DST: variants seen among roughly 807,000 people sequenced by gnomAD.
DST encodes bullous pemphigoid antigen.
In DST, 253 loss-of-function variants were observed where a neutral mutation model predicts 875.2. The observed-to-expected ratio is 0.29, with a 90% CI of 0.26 to 0.32. The LOEUF (loss-of-function observed/expected upper bound fraction) is 0.32, where lower values mean the gene tolerates loss of function less well. DST is among the 10% of genes least tolerant of loss of function. The pLI is 1.00. For synonymous variants in DST, 3,124 were observed against 3,197.1 expected (o/e 0.98, Z 0.77); for missense variants, 8,287 against 9,111.6 (o/e 0.91, Z 3.68).
intron 44 of DST, 119 bp from the exon 45 acceptor site, chr6:56,600,340 C>T (rs984643351): frequency 2.1e-6 from 2 of 930,560 alleles, no homozygotes; most frequent in African/African-American, 1.6e-5. Context: ...TATAAGTATG[C>T]TGTAAACATG....
At chr6:56,843,440 G>C (rs1240168635) in intron 4 of DST, 26 of 1,033,316 alleles carry the variant, frequency 2.5e-5, no homozygotes, top group Non-Finnish European at 3.0e-5. Context: ...GCCCAGGGGC[G>C]GCGACGAGCA....
Position 56,953,772 on chromosome 6 carries a change from CTAAA to C in DST, c.216+9_216+12del. On this transcript the variant is annotated intron_variant, in intron 2 of 103. Coordinates refer to ENST00000680361, the MANE Select transcript of DST (RefSeq NM_001374736.1). ...CTTCTTCTGACCTTGAGCGTGCGCG[CTAAA>C]TAAATTACCTCAGAACGAAAGTGGT... 1 of 1,313,490 alleles carries C rather than the reference CTAAA, an allele frequency of 7.6e-7. No homozygotes were observed. Among genetic ancestry groups the C allele is most frequent in the South Asian group, 1.2e-5 (1 of 81,356 alleles). The allele number at this position is 1,313,490 out of a possible 1,614,324, so 81.4% of individuals were successfully genotyped here. A position where few individuals can be genotyped will look rare whatever the true frequency, so the allele number is the denominator to read the frequency against.
intron 37 of DST, 133 bp downstream of exon 37, chr6:56,614,223 G>T (rs995953585): frequency 1.4e-6 from 1 of 731,350 alleles, no homozygotes. Flanking sequence ...TAATCTTTCT[G>T]ATTTGCATTA....
chr6:56,616,980 CT>C, intron 36 of DST: 1 of 1,607,502 alleles, frequency 6.2e-7, no homozygotes, highest in Non-Finnish European at 8.5e-7. Flanking sequence ...ACCATTTTGT[CT>C]ATTATGATTC....
At chr6:56,884,172 C>CT (rs1162882869) in intron 3 of DST, among the ~76,000 whole-genome samples, 2 of 151,690 alleles carry the variant, frequency 1.3e-5, no homozygotes, top group East Asian at 1.9e-4. Context: ...CCCACTTTCT[C>CT]TTTTTTTTAT....
chr6:56,814,533 A>C (rs2099764362), intron 4 of DST, among the ~76,000 whole-genome samples: 1 of 152,206 alleles, frequency 6.6e-6, no homozygotes, highest in African/African-American at 2.4e-5. Flanking sequence ...GACAGACCAA[A>C]GAAAACACTT....
intron 58 of DST, among the ~76,000 whole-genome samples, chr6:56,557,938 C>G (rs545423492): frequency 4.6e-5 from 7 of 152,086 alleles, no homozygotes; most frequent in Admixed American, 4.6e-4. Context: ...CCCAATTATT[C>G]TTTCCCATTC....
At chr6:56,948,900 C>T (rs545317219) in intron 2 of DST, among the ~76,000 whole-genome samples, 13 of 152,262 alleles carry the variant, frequency 8.5e-5, no homozygotes, top group African/African-American at 3.1e-4. Flanking sequence ...AGATACTTGG[C>T]CTATTACTTC....
At chr6:56,922,995 C>T (rs747732465) in intron 2 of DST, among the ~76,000 whole-genome samples, 2 of 152,022 alleles carry the variant, frequency 1.3e-5, no homozygotes, top group Non-Finnish European at 2.9e-5. Context: ...ACTTGATAAA[C>T]TCAAGGAAAT....
chr6:56,597,966 A>G lies in DST; in HGVS notation c.11969T>C (p.Ile3990Thr), dbSNP rs2098407285. 1 of 1,610,784 alleles carries G rather than the reference A, an allele frequency of 6.2e-7. No individual in the cohort carries two copies. Among genetic ancestry groups the G allele is most frequent in the Non-Finnish European group, 8.5e-7 (1 of 1,178,154 alleles). ...VKQLEESKTK[I>T]ENLLDWLSNV... is the part of the protein sequence containing the mutation. ...TGACAACCAGTCCAAAAGGTTTTCT[A>G]TTTTGGTTTTGCTCTCTTCCAGCTG... Residue 3990 changes from isoleucine to threonine, a missense_variant, in exon 47 of 104, where the codon ATA (isoleucine) becomes ACA (threonine). By Grantham distance (89) the Ile-to-Thr change is moderately conservative. Coordinates refer to ENST00000680361, the MANE Select transcript of DST (RefSeq NM_001374736.1).
rs1270097464 is a variant in DST, at chr6:56,714,690, C to G, written c.688-10321G>C. 3.9e-5 allele frequency among the ~76,000 whole-genome samples: 6 copies of G among 152,202 alleles called. No homozygotes were observed. Among genetic ancestry groups the G allele is most frequent in the African/African-American group, 1.2e-4 (5 of 41,450 alleles). On this transcript the variant is annotated intron_variant, in intron 5 of 103. Transcript: ENST00000680361. The surrounding 1 kb of genome is among the most constrained non-coding windows in gnomAD (Gnocchi z 4.5). ...AGATGCTCAGGTCCCAGTGCCCTAA[C>G]TAGAGCTTCATGTCCATTCCTGATG...
intron 39 of DST, among the ~76,000 whole-genome samples, chr6:56,609,812 T>C (rs1554487114): frequency 6.6e-6 from 1 of 152,168 alleles, no homozygotes; most frequent in Non-Finnish European, 1.5e-5. Flanking sequence ...GAAAAATTGT[T>C]ACATACCCCC....
chr6:56,665,021 A>G (rs2099065285), intron 10 of DST, among the ~76,000 whole-genome samples: 1 of 152,220 alleles, frequency 6.6e-6, no homozygotes, highest in South Asian at 2.1e-4. Context: ...TAAATCATAT[A>G]ACTTTGTCAT....
intron 5 of DST, among the ~76,000 whole-genome samples, chr6:56,729,561 C>A (rs372484903): frequency 3.3e-5 from 5 of 150,614 alleles, no homozygotes; most frequent in South Asian, 4.2e-4. Flanking sequence ...GAGCCGAGAT[C>A]GCACCATTGC....
intron 4 of DST, among the ~76,000 whole-genome samples, chr6:56,753,345 T>C (rs2099593503): frequency 1.3e-5 from 2 of 152,126 alleles, no homozygotes; most frequent in Non-Finnish European, 2.9e-5. Flanking sequence ...ATATAAGCAT[T>C]TTCCTCTCAG....
intron 34 of DST, among the ~76,000 whole-genome samples, chr6:56,626,301 T>C (rs983680951): frequency 2.6e-5 from 4 of 152,128 alleles, no homozygotes; most frequent in African/African-American, 4.8e-5. Flanking sequence ...CAAAGCAACT[T>C]CTAGTCCTGC....
Position 56,572,807 on chromosome 6 carries a change from C to A in DST, c.13494G>T (p.Gln4498His), listed in dbSNP as rs565276328. Reference protein sequence around the residue: ...KLQTFLETKTQALTEVDVPGK... With the variant: ...KLQTFLETKTHALTEVDVPGK... ...CTGGCACATCTACTTCAGTAAGAGC[C>A]TGAGTTTTTGTTTCTAAAAATGTCT... The change falls in exon 52 of 104, where the codon CAG (glutamine) becomes CAT (histidine). Residue 4498 changes from glutamine to histidine, a missense_variant. Physicochemically the swap from Gln to His is conservative, Grantham distance 24 (BLOSUM62 0). Transcript: ENST00000680361. The A allele has an allele frequency of 1.9e-6, 3 of 1,610,654 alleles. No individual in the cohort carries two copies. Among genetic ancestry groups the A allele is most frequent in the East Asian group, 4.5e-5 (2 of 44,810 alleles).
At chr6:56,795,226 AT>A (rs2153011757) in intron 4 of DST, among the ~76,000 whole-genome samples, 1 of 152,258 alleles carries the variant, frequency 6.6e-6, no homozygotes, top group South Asian at 2.1e-4. Context: ...GTACAAAAAA[AT>A]GAATTCTCAG....
intron 3 of DST, among the ~76,000 whole-genome samples, chr6:56,897,993 C>T (rs1487719563): frequency 6.6e-6 from 1 of 152,122 alleles, no homozygotes; most frequent in Non-Finnish European, 1.5e-5. Flanking sequence ...TAAGTAGGCT[C>T]CACCTATAGG....
Sources: allele counts gnomAD v4.1 joint callset (sites outside exome capture counted in the v4.1 genomes callset), GRCh38; gene constraint gnomAD v4.1.1; non-coding constraint Gnocchi (gnomAD v3.1); transcripts MANE v1.5; gene names NCBI Gene and HGNC (gene_info 2026-07-23, HGNC 2026-07-21).